The following PRKN variants were observed in gnomAD, a reference collection of about 807,000 sequenced individuals.
PRKN encodes parkin RBR E3 ubiquitin protein ligase.
PRKN carries 56 observed loss-of-function variants against 59.5 expected under a neutral mutation model. The observed-to-expected ratio is 0.94, with a 90% CI of 0.76 to 1.18. The LOEUF is 1.18. Ranked by LOEUF, PRKN falls within the 50% of genes most tolerant of loss-of-function variation. The pLI, the probability that PRKN is intolerant of heterozygous loss-of-function variation, is 0.00. For synonymous variants in PRKN, 250 were observed against 222.1 expected (o/e 1.13, Z -1.12); for missense variants, 657 against 596.4 (o/e 1.10, Z -1.06).
intron 2 of PRKN, among the ~76,000 whole-genome samples, chr6:162,333,428 T>A (rs1318286520): frequency 6.6e-6 from 1 of 152,132 alleles, no homozygotes; most frequent in East Asian, 1.9e-4. Context: ...TCACTTCATG[T>A]CTCTGCATCA....
chr6:161,434,006 A>G (rs2115060187), intron 9 of PRKN, among the ~76,000 whole-genome samples: 1 of 111,070 alleles, frequency 9.0e-6, no homozygotes. Flanking sequence ...GACAAGAGCG[A>G]AACTCCATTA....
intron 9 of PRKN, among the ~76,000 whole-genome samples, chr6:161,465,388 G>A (rs192986615): frequency 2.6e-5 from 4 of 152,064 alleles, no homozygotes; most frequent in African/African-American, 9.6e-5. Context: ...ACCTGCAGAC[G>A]TGATTTTAGT....
chr6:162,303,549 A>G (rs1782065241), intron 2 of PRKN, among the ~76,000 whole-genome samples: 1 of 152,174 alleles, frequency 6.6e-6, no homozygotes, highest in Non-Finnish European at 1.5e-5. Context: ...TACTGGGTAT[A>G]CTAGAAATGA....
intron 2 of PRKN, among the ~76,000 whole-genome samples, chr6:162,413,486 G>A (rs1219650619): frequency 6.6e-6 from 1 of 152,198 alleles, no homozygotes; most frequent in Non-Finnish European, 1.5e-5. Flanking sequence ...TAATTAGATA[G>A]CAAGGTATTA....
chr6:161,837,714 A>G (rs1792817656), intron 6 of PRKN, among the ~76,000 whole-genome samples: 1 of 152,196 alleles, frequency 6.6e-6, no homozygotes, highest in Non-Finnish European at 1.5e-5. Flanking sequence ...GGGTAGACTT[A>G]ACAAAATGCT....
rs1790876364 is a variant in PRKN, at chr6:161,473,140, C to G, written c.1083+75714G>C. Among the ~76,000 whole-genome samples the G allele has an allele frequency of 6.6e-6, 1 of 152,088 alleles. No homozygotes were observed. The highest frequency in any genetic ancestry group is 1.5e-5 in the Non-Finnish European group (1 of 68,008). ...ATAGCACCATATGATCCAGCAATCT[C>G]TCTGCTGAGTATATACTCAAAAGAA... On this transcript the variant is annotated intron_variant, in intron 9 of 11. Transcript: ENST00000366898. The surrounding 1 kb of genome is among the most constrained non-coding windows in gnomAD (Gnocchi z 4.1).
chr6:161,610,541 C>CTCTAT (rs1782451889), intron 7 of PRKN, among the ~76,000 whole-genome samples: 1 of 145,940 alleles, frequency 6.9e-6, no homozygotes, highest in South Asian at 2.1e-4. Context: ...ATTTAAGAAC[C>CTCTAT]TCTATGGACC....
At chr6:162,709,167 T>C (rs2128238265) in intron 1 of PRKN, among the ~76,000 whole-genome samples, 1 of 152,272 alleles carries the variant, frequency 6.6e-6, no homozygotes, top group South Asian at 2.1e-4. Flanking sequence ...CTATGGCGAA[T>C]TGTTATTTCA....
chr6:162,376,555 G>C lies in PRKN; in HGVS notation c.171+66755C>G, dbSNP rs556485880. Among the ~76,000 whole-genome samples, 372 of 151,576 alleles carry C rather than the reference G, an allele frequency of 2.5e-3. 7 individuals are homozygous for C. Among genetic ancestry groups the C allele is most frequent in the Non-Finnish European group, 4.5e-3 (304 of 67,896 alleles). ...GAAGTCATCCCCTGAGAGAGAGGCA[G>C]CCTACAAATGAATACCTGGGGCCAG... is the stretch of plus-strand genomic sequence containing the variant. On this transcript the variant is annotated intron_variant, in intron 2 of 11. Transcript: ENST00000366898.
chr6:161,885,651 C>T (rs1316330601), intron 6 of PRKN, among the ~76,000 whole-genome samples: 51 of 130,166 alleles, frequency 3.9e-4, no homozygotes, highest in African/African-American at 1.5e-3. Flanking sequence ...GGTGACAGAG[C>T]GAGACTCTGT....
chr6:162,436,598 C>G (rs1314813045), intron 2 of PRKN, among the ~76,000 whole-genome samples: 1 of 151,322 alleles, frequency 6.6e-6, no homozygotes, highest in Non-Finnish European at 1.5e-5. Flanking sequence ...GCATGAGCCA[C>G]TGTGCCCGAT....
Position 162,482,907 on chromosome 6 carries a change from C to T in PRKN, c.8-39434G>A, listed in dbSNP as rs554197105. The stretch of plus-strand genomic sequence containing the variant: ...CTGACGCAGTCCAGCAGAAACACTC[C>T]GGCCTGAGGGTATGCACTGATTCCA... On this transcript the variant is annotated intron_variant, in intron 1 of 11. Coordinates refer to ENST00000366898, the MANE Select transcript of PRKN (RefSeq NM_004562.3). Among the ~76,000 whole-genome samples, 17 of 149,096 alleles carry T rather than the reference C, an allele frequency of 1.1e-4. No individual in the cohort carries two copies. The South Asian group carries it at 1.7e-3, about 15-fold the overall frequency.
chr6:161,545,344 T>A lies in PRKN; in HGVS notation c.1083+3510A>T. On this transcript the variant is annotated intron_variant, in intron 9 of 11. Transcript: ENST00000366898. The surrounding 1 kb of genome is among the most constrained non-coding windows in gnomAD (Gnocchi z 4.1). ...CATCTGGAACTCTGTAATTCTTCTA[T>A]AGCTTTGCTACCAATGACTTTTCCT... 1.9e-6 allele frequency: 3 copies of A among 1,605,070 alleles called. No individual in the cohort carries two copies. The highest frequency in any genetic ancestry group is 2.2e-5 in the South Asian group (2 of 89,668).
At chr6:162,141,121 C>A (rs1408039255) in intron 4 of PRKN, among the ~76,000 whole-genome samples, 1 of 151,578 alleles carries the variant, frequency 6.6e-6, no homozygotes, top group East Asian at 1.9e-4. Flanking sequence ...CAGAGTGAGA[C>A]CCTGTCACCA....
chr6:161,699,820 TACA>T (rs1014442417), intron 7 of PRKN, among the ~76,000 whole-genome samples: 6 of 152,296 alleles, frequency 3.9e-5, no homozygotes, highest in African/African-American at 1.4e-4. Flanking sequence ...GATGTGTACA[TACA>T]ACAACATGTA....
At chr6:162,146,125 C>T (rs1257116221) in intron 4 of PRKN, among the ~76,000 whole-genome samples, 1 of 152,138 alleles carries the variant, frequency 6.6e-6, no homozygotes, top group Non-Finnish European at 1.5e-5. Context: ...GCCTTAGGAT[C>T]CCTGCCTCCA....
At chr6:161,634,548 T>A (rs1783442076) in intron 7 of PRKN, among the ~76,000 whole-genome samples, 1 of 152,178 alleles carries the variant, frequency 6.6e-6, no homozygotes, top group Non-Finnish European at 1.5e-5. Context: ...AATAGCACTC[T>A]TACTTTCTAC....
intron 1 of PRKN, among the ~76,000 whole-genome samples, chr6:162,581,785 T>G (rs181964791): frequency 5.5e-4 from 84 of 152,248 alleles, no homozygotes; most frequent in African/African-American, 1.9e-3. Context: ...TTAACTTAGA[T>G]TTTAAGAGTT....
At chr6:161,408,958 T>C (rs971472545) in intron 9 of PRKN, among the ~76,000 whole-genome samples, 1 of 152,166 alleles carries the variant, frequency 6.6e-6, no homozygotes, top group African/African-American at 2.4e-5. Flanking sequence ...TTAATTTTTA[T>C]TTTTTGAGAC....
Sources: gnomAD v4.1 joint callset for allele counts (sites outside exome capture counted in the v4.1 genomes callset) on GRCh38, gnomAD v4.1.1 for gene constraint, Gnocchi (gnomAD v3.1) non-coding constraint, MANE v1.5 for transcripts, NCBI Gene and HGNC (gene_info 2026-07-23, HGNC 2026-07-21) for gene names.